Variants in ORC1 observed in about 807,000 individuals in gnomAD.
ORC1 encodes origin recognition complex, subunit 1 homolog.
ORC1 carries 61 observed loss-of-function variants against 98.9 expected under a neutral mutation model. That is an observed-to-expected ratio of 0.62 (90% confidence interval 0.50 to 0.76). The LOEUF (loss-of-function observed/expected upper bound fraction) is 0.76. Ranked by LOEUF, ORC1 falls within the 30% of genes least tolerant of loss-of-function variation. The pLI is 0.00. For synonymous variants in ORC1, 385 were observed against 406.9 expected (o/e 0.95, Z 0.65); for missense variants, 979 against 1,072.2 (o/e 0.91, Z 1.21).
At chr1:52,383,980 T>C (rs374499720) in intron 11 of ORC1, 43 bp from the exon 12 acceptor site, 33 of 1,525,874 alleles carry the variant, frequency 2.2e-5, no homozygotes, top group Non-Finnish European at 2.9e-5. Flanking sequence ...GTAAGGGTCT[T>C]ACTCCCTTGG....
chr1:52,400,863 A>G (rs1647672122), intron 3 of ORC1, among the ~76,000 whole-genome samples: 1 of 152,156 alleles, frequency 6.6e-6, no homozygotes, highest in African/African-American at 2.4e-5. Context: ...CCTTTCCAAC[A>G]TTAACACACA....
chr1:52,383,509 G>A lies in ORC1; in HGVS notation c.1924C>T (p.His642Tyr). The A allele has an allele frequency of 6.2e-7, 1 of 1,613,834 alleles. No homozygotes were observed. The highest frequency in any genetic ancestry group is 2.2e-5 in the East Asian group (1 of 44,886). ...IMYNLFDWPT[H>Y]KEARLVVLAI... ...AGGACCACAAGCCGGGCCTCCTTATGAGTGGGCCAGTCAAAGAGATTGTAC... is the reference window on the plus strand; with the variant it reads ...AGGACCACAAGCCGGGCCTCCTTATAAGTGGGCCAGTCAAAGAGATTGTAC... The change falls in exon 13 of 17, where the codon CAT becomes TAT. Residue 642 changes from histidine to tyrosine, a missense_variant. Coordinates refer to ENST00000371568, the MANE Select transcript of ORC1 (RefSeq NM_004153.4).
chr1:52,388,523 T>C lies in ORC1; in HGVS notation c.1302A>G (p.Arg434=). The part of the protein sequence containing the change: ...EEASTPPLPR[R]APRTVSRNLR... ...GGTTCCTGGACACAGTTCTGGGTGC[T>C]CTCCTTGGAAGGGGCGGTGTGGAAG... The change falls in exon 8 of 17, where the codon AGA becomes AGG. Residue 434 remains arginine (R), a synonymous_variant. Coordinates refer to ENST00000371568, the MANE Select transcript of ORC1 (RefSeq NM_004153.4). The C allele has an allele frequency of 6.2e-7, 1 of 1,614,142 alleles. No homozygotes were observed. The highest frequency in any genetic ancestry group is 8.5e-7 in the Non-Finnish European group (1 of 1,179,986).
In ORC1 at chr1:52,375,697, T is replaced by C. The variant is rs989023769; in HGVS notation, c.2134-98A>G. On this transcript the variant is annotated intron_variant, in intron 14 of 16. Coordinates refer to ENST00000371568, the MANE Select transcript of ORC1 (RefSeq NM_004153.4). ...CAATGGACATAAGCGTAAAGTTAAG[T>C]ACTTAGCCCTGGCAGGGAACCTGGA... 4.4e-6 allele frequency: 5 copies of C among 1,138,124 alleles called. No individual in the cohort carries two copies. In the Admixed American group the frequency reaches 7.0e-5, roughly 16 times the overall value. The allele number at this position is 1,138,124 out of a possible 1,614,324, so 70.5% of individuals were successfully genotyped here.
intron 4 of ORC1, among the ~76,000 whole-genome samples, chr1:52,396,651 A>G (rs1182503182): frequency 6.6e-6 from 1 of 151,942 alleles, no homozygotes; most frequent in African/African-American, 2.4e-5. Context: ...TCATCTCTCA[A>G]TTCCTATTAT....
At chr1:52,403,305 TC>T (rs1647819371) in intron 1 of ORC1, among the ~76,000 whole-genome samples, 1 of 152,234 alleles carries the variant, frequency 6.6e-6, no homozygotes. Context: ...ACTACCTTAA[TC>T]CCTTGCATTT....
chr1:52,401,496 A>T lies in ORC1; in HGVS notation c.96-7T>A. On this transcript the variant is annotated splice_region_variant and splice_polypyrimidine_tract_variant and intron_variant, in intron 2 of 16. Coordinates refer to ENST00000371568, the MANE Select transcript of ORC1 (RefSeq NM_004153.4). ...TGTTTTCACACACATTTCTCTAGGA[A>T]GTAACAGAGAAGCACATTAGGAAAT... 6.2e-7 allele frequency: 1 copy of T among 1,613,910 alleles called. No individual in the cohort carries two copies. Among genetic ancestry groups the T allele is most frequent in the Non-Finnish European group, 8.5e-7 (1 of 1,179,986 alleles).
At position 52,393,414 on chromosome 1, in the gene ORC1, T is replaced by C. The variant is rs1270318975; in HGVS notation, c.1082+29A>G. On this transcript the variant is annotated intron_variant, in intron 6 of 16. Coordinates refer to ENST00000371568, the MANE Select transcript of ORC1 (RefSeq NM_004153.4). ...CTTCACGTGATGTGAAGGATTTCAA[T>C]TTGCTCTGTGGGTAATGTCCCTGGT... 3.1e-6 allele frequency: 5 copies of C among 1,613,928 alleles called. No individual in the cohort carries two copies. In the Middle Eastern group the frequency reaches 6.6e-4, roughly 214 times the overall value.
chr1:52,403,216 T>C (rs1647815640), intron 1 of ORC1, among the ~76,000 whole-genome samples: 1 of 152,226 alleles, frequency 6.6e-6, no homozygotes, highest in Admixed American at 6.5e-5. Flanking sequence ...ATTTATTAAG[T>C]ACCCATCGTG....
chr1:52,373,577 C>T (rs1393191178), intron 16 of ORC1, among the ~76,000 whole-genome samples: 1 of 152,124 alleles, frequency 6.6e-6, no homozygotes, highest in African/African-American at 2.4e-5. Flanking sequence ...AAACAGCAGG[C>T]CCGAATCCTG....
chr1:52,408,728 A>G (rs763731741), upstream of ORC1: 1 of 1,608,054 alleles, frequency 6.2e-7, no homozygotes, highest in Admixed American at 1.7e-5. Flanking sequence ...GTCATTTTTA[A>G]GCCAGTTTTT....
Position 52,373,086 on chromosome 1 carries a change from C to T in ORC1, c.*95G>A, listed in dbSNP as rs929930476. 2.1e-5 allele frequency: 27 copies of T among 1,265,130 alleles called. No homozygotes were observed. Among genetic ancestry groups the T allele is most frequent in the African/African-American group, 8.8e-5 (6 of 68,312 alleles). The allele number at this position is 1,265,130 out of a possible 1,614,324, so 78.4% of individuals were successfully genotyped here. ...AGTCAAGGCTGCAGTGAGCCATGAT[C>T]GTGCCACTGCACTCCAGCCTGGGCG... On this transcript the variant is annotated 3_prime_UTR_variant, in exon 17 of 17. Transcript: ENST00000371568.
rs1185410198 is a variant in ORC1, at chr1:52,401,393, A to G, written c.192T>C (p.Tyr64=). The G allele has an allele frequency of 2.5e-6, 4 of 1,613,906 alleles. No individual in the cohort carries two copies. The African/African-American group carries it at 5.3e-5, about 22-fold the overall frequency. Reference sequence around the variant, plus strand: ...CGAACAACTCAAGCAATTTAGCAACATACGGGTTTTCATCATCATCCCCTT... The same window carrying G: ...CGAACAACTCAAGCAATTTAGCAACGTACGGGTTTTCATCATCATCCCCTT... ...LIEGDDDENP[Y]VAKLLELFED... The change falls in exon 3 of 17, where the codon TAT becomes TAC. Residue 64 remains tyrosine, a synonymous_variant. Coordinates refer to ENST00000371568, the MANE Select transcript of ORC1 (RefSeq NM_004153.4).
At chr1:52,381,076 C>A (rs1647063538) in intron 14 of ORC1, among the ~76,000 whole-genome samples, 1 of 152,178 alleles carries the variant, frequency 6.6e-6, no homozygotes, top group South Asian at 2.1e-4. Flanking sequence ...AGACATTTAA[C>A]CCACTTTGTT....
intron 14 of ORC1, among the ~76,000 whole-genome samples, chr1:52,377,028 T>G (rs1319207405): frequency 1.3e-5 from 2 of 152,104 alleles, no homozygotes; most frequent in Non-Finnish European, 2.9e-5. Flanking sequence ...TTTTATTTAT[T>G]TATTTATTTT....
chr1:52,379,323 A>G (rs1314020282), intron 14 of ORC1, among the ~76,000 whole-genome samples: 2 of 148,358 alleles, frequency 1.3e-5, no homozygotes, highest in South Asian at 2.1e-4. Flanking sequence ...GGCTCACTGC[A>G]ACCTCAGCCT....
At chr1:52,408,677 G>C, upstream of ORC1, 6 of 1,614,172 alleles carry the variant, frequency 3.7e-6, no homozygotes, top group South Asian at 3.3e-5. Flanking sequence ...TCAAGAGCCA[G>C]AACCGAAATG....
chr1:52,382,572 CTTTTTT>C (rs3049207), intron 13 of ORC1, among the ~76,000 whole-genome samples: 20 of 107,412 alleles, frequency 1.9e-4, no homozygotes, highest in Non-Finnish European at 2.7e-4. Context: ...AGTGCTAAAA[CTTTTTT>C]TTTTTTTTTT....
chr1:52,386,699 C>T (rs560660504), intron 8 of ORC1, among the ~76,000 whole-genome samples: 9 of 152,312 alleles, frequency 5.9e-5, no homozygotes, highest in Middle Eastern at 3.4e-3. Context: ...CGGTGACTCA[C>T]GCCTGTAATC....
Sources: gnomAD v4.1 joint callset for allele counts (sites outside exome capture counted in the v4.1 genomes callset) on GRCh38, gnomAD v4.1.1 for gene constraint, MANE v1.5 for transcripts, NCBI Gene and HGNC (gene_info 2026-07-23, HGNC 2026-07-21) for gene names.